TRAPPC9: variants seen among roughly 807,000 people sequenced by gnomAD.
The protein encoded by TRAPPC9 is trafficking protein particle complex subunit 9.
In TRAPPC9, 83 loss-of-function variants were observed where a neutral mutation model predicts 124.0. The observed-to-expected ratio is 0.67, with a 90% confidence interval of 0.56 to 0.80. The LOEUF (loss-of-function observed/expected upper bound fraction) is 0.80. Ranked by LOEUF, TRAPPC9 falls within the 30% of genes least tolerant of loss-of-function variation. The probability of loss-of-function intolerance (pLI) is 0.00; values close to 1 mark genes in which losing one functional copy is unlikely to be tolerated. For synonymous variants in TRAPPC9, 638 were observed against 617.5 expected (o/e 1.03, Z -0.49); for missense variants, 1,302 against 1,508.3 (o/e 0.86, Z 2.27).
At chr8:140,327,462 A>G (rs1429326277) in intron 9 of TRAPPC9, among the ~76,000 whole-genome samples, 1 of 152,236 alleles carries the variant, frequency 6.6e-6, no homozygotes, top group African/African-American at 2.4e-5. Context: ...TTGCAGACCA[A>G]TGTGCATAGC....
At chr8:140,395,200 C>T (rs138746546) in intron 7 of TRAPPC9, among the ~76,000 whole-genome samples, 145 of 152,286 alleles carry the variant, frequency 9.5e-4, no homozygotes, top group African/African-American at 3.4e-3. Context: ...CCTCATACTA[C>T]GTGGCCTACA....
At position 139,939,313 on chromosome 8, in the gene TRAPPC9, G is replaced by A. The variant is rs369947011; in HGVS notation, c.2811-29013C>T. On this transcript the variant is annotated intron_variant, in intron 19 of 22. Transcript: ENST00000438773. Reference sequence around the variant, plus strand: ...AGCATAGGAGCCAGGGCCCTGAGGTGAGTGGACAACACACAGCAAGAGGCG... The same window carrying A: ...AGCATAGGAGCCAGGGCCCTGAGGTAAGTGGACAACACACAGCAAGAGGCG... Among the ~76,000 whole-genome samples, 16 of 152,342 alleles carry A rather than the reference G, an allele frequency of 1.1e-4. No individual in the cohort carries two copies. In the East Asian group the frequency reaches 1.9e-3, roughly 18 times the overall value.
chr8:139,854,196 G>A (rs1424147573), intron 21 of TRAPPC9, among the ~76,000 whole-genome samples: 1 of 152,170 alleles, frequency 6.6e-6, no homozygotes, highest in Non-Finnish European at 1.5e-5. Context: ...AACCTCAGGA[G>A]GTCGAGTTCT....
intron 19 of TRAPPC9, among the ~76,000 whole-genome samples, chr8:139,935,141 G>A (rs995036889): frequency 1.3e-5 from 2 of 152,182 alleles, no homozygotes; most frequent in Non-Finnish European, 2.9e-5. Context: ...TGCGAGAGAA[G>A]GTGCATGGTG....
chr8:140,345,253 G>A (rs2067308787), intron 9 of TRAPPC9, among the ~76,000 whole-genome samples: 2 of 152,240 alleles, frequency 1.3e-5, no homozygotes, highest in Admixed American at 1.3e-4. Flanking sequence ...ACAGAGATGG[G>A]GTGGAGGTGC....
chr8:140,308,447 G>A (rs1010866772), intron 10 of TRAPPC9, among the ~76,000 whole-genome samples: 1 of 151,918 alleles, frequency 6.6e-6, no homozygotes, highest in African/African-American at 2.4e-5. Context: ...CTTCTTCCCA[G>A]TTTTCAATGA....
chr8:140,364,328 T>C (rs1189324736), intron 8 of TRAPPC9, among the ~76,000 whole-genome samples: 1 of 133,468 alleles, frequency 7.5e-6, no homozygotes, highest in Admixed American at 7.4e-5. Flanking sequence ...CGAAAAGCAA[T>C]TTAAATCTTG....
At chr8:140,177,901 T>C (rs1420910656) in intron 17 of TRAPPC9, among the ~76,000 whole-genome samples, 11 of 152,150 alleles carry the variant, frequency 7.2e-5, no homozygotes. Context: ...CCCAAGTATA[T>C]AATTTTTGTT....
At chr8:140,454,778 AAAATAC>A in intron 1 of TRAPPC9, among the ~76,000 whole-genome samples, 1 of 152,048 alleles carries the variant, frequency 6.6e-6, no homozygotes, top group South Asian at 2.1e-4. Flanking sequence ...TTCTCTACTA[AAAATAC>A]AAAAATTAGC....
At chr8:140,377,487 C>T (rs2068477163) in intron 7 of TRAPPC9, among the ~76,000 whole-genome samples, 1 of 152,052 alleles carries the variant, frequency 6.6e-6, no homozygotes, top group African/African-American at 2.4e-5. Context: ...TTAGTAGAGA[C>T]AGGGTTTCGT....
At chr8:139,947,918 A>ATC (rs1834358790) in intron 19 of TRAPPC9, among the ~76,000 whole-genome samples, 1 of 61,582 alleles carries the variant, frequency 1.6e-5, no homozygotes, top group African/African-American at 5.5e-5. Flanking sequence ...AGAGAGAGAG[A>ATC]GAGAGCGAGA....
At chr8:139,928,612 C>T (rs73368191) in intron 19 of TRAPPC9, among the ~76,000 whole-genome samples, 84 of 151,878 alleles carry the variant, frequency 5.5e-4, no homozygotes, top group African/African-American at 1.7e-3. Context: ...CAGCATCGAC[C>T]GACCTCAGAG....
At chr8:140,138,174 C>T (rs1038114181) in intron 17 of TRAPPC9, among the ~76,000 whole-genome samples, 3 of 152,108 alleles carry the variant, frequency 2.0e-5, no homozygotes, top group African/African-American at 7.2e-5. Context: ...GGTGGGCAAA[C>T]ACCTGTAATC....
At chr8:139,789,599 A>C (rs568789759) in intron 21 of TRAPPC9, among the ~76,000 whole-genome samples, 1 of 152,214 alleles carries the variant, frequency 6.6e-6, no homozygotes, top group South Asian at 2.1e-4. Flanking sequence ...CCTGGCACCC[A>C]ACCTGTGTGG....
At chr8:140,172,140 G>A (rs75748837) in intron 17 of TRAPPC9, among the ~76,000 whole-genome samples, 3,159 of 152,298 alleles carry the variant, frequency 0.021, 33 homozygotes, top group South Asian at 0.036. Context: ...TTATTCAGGA[G>A]GAAGGGCAGG....
chr8:140,072,779 A>G (rs1587646735), intron 17 of TRAPPC9, among the ~76,000 whole-genome samples: 1 of 152,156 alleles, frequency 6.6e-6, no homozygotes, highest in African/African-American at 2.4e-5. Flanking sequence ...ATGTATATAT[A>G]TATCTTCACT....
chr8:139,939,268 G>A (rs962290122), intron 19 of TRAPPC9, among the ~76,000 whole-genome samples: 6 of 152,220 alleles, frequency 3.9e-5, no homozygotes, highest in Non-Finnish European at 5.9e-5. Flanking sequence ...GCTGGACACC[G>A]GGGTCTGGAG....
chr8:139,997,838 A>G (rs1838131193), intron 18 of TRAPPC9, among the ~76,000 whole-genome samples: 1 of 133,242 alleles, frequency 7.5e-6, no homozygotes, highest in Non-Finnish European at 1.6e-5. Flanking sequence ...CCACACAGGG[A>G]GACAATGCAT....
chr8:140,405,507 C>T, intron 6 of TRAPPC9, 70 bp downstream of exon 6: 3 of 1,542,750 alleles, frequency 1.9e-6, no homozygotes, highest in Admixed American at 3.3e-5. Context: ...CAGCATTACA[C>T]AATGTAAAAT....
Sources: allele counts gnomAD v4.1 joint callset (sites outside exome capture counted in the v4.1 genomes callset), GRCh38; gene constraint gnomAD v4.1.1; transcripts MANE v1.5; gene names NCBI Gene and HGNC (gene_info 2026-07-23, HGNC 2026-07-21).